TSHZ2: variants seen among roughly 807,000 people sequenced by gnomAD.
The protein encoded by TSHZ2 is teashirt homolog 2.
A neutral mutation model predicts 74.4 loss-of-function variants in TSHZ2; 21 were observed. The ratio of observed to expected loss-of-function variants is 0.28; its 90% CI spans 0.20 to 0.41. The LOEUF is 0.41. TSHZ2 is among the 10% of genes least tolerant of loss of function. TSHZ2 has a pLI of 1.00. For missense variants in TSHZ2, 1,244 were observed against 1,293.5 expected, an observed-to-expected ratio of 0.96 and a Z score of 0.59; for synonymous variants, 540 against 515.3, an observed-to-expected ratio of 1.05 and a Z score of -0.65.
intron 1 of TSHZ2, among the ~76,000 whole-genome samples, chr20:53,023,928 A>G (rs1263586269): frequency 6.6e-6 from 1 of 152,062 alleles, no homozygotes; most frequent in African/African-American, 2.4e-5. Context: ...TGTTTGCACC[A>G]TTAGTGTTAA....
intron 1 of TSHZ2, among the ~76,000 whole-genome samples, chr20:53,032,714 AT>A (rs778273926): frequency 1.3e-5 from 2 of 151,316 alleles, no homozygotes; most frequent in African/African-American, 2.4e-5. Context: ...AGGCGTAAAG[AT>A]TTCCTGAGTT....
At chr20:53,089,568 T>A (rs1600684406) in intron 1 of TSHZ2, among the ~76,000 whole-genome samples, 1 of 152,138 alleles carries the variant, frequency 6.6e-6, no homozygotes, top group East Asian at 1.9e-4. Flanking sequence ...AGATTTGCCC[T>A]TGAGAAAAAT....
rs147016688 is a variant in TSHZ2, at chr20:53,255,288, G to A, written c.1830G>A (p.Ala610=). 78 of 1,614,062 alleles carry A rather than the reference G, an allele frequency of 4.8e-5. 2 individuals are homozygous for A. The highest frequency in any genetic ancestry group is 2.4e-4 in the South Asian group (22 of 91,086). ...AAGAGTCAGAAGACAAAGATGAAGC[G>A]GTGAAGGAGTGTGGGAAAGAAAGTC... The part of the protein sequence containing the change: ...VKKESEDKDE[A]VKECGKESPH... The change falls in exon 2 of 3, where the codon GCG becomes GCA. Residue 610 remains alanine, a synonymous_variant. Coordinates refer to ENST00000371497, the MANE Select transcript of TSHZ2 (RefSeq NM_173485.6). This position sits in a 1 kb window ranked among gnomAD's most constrained non-coding sequence, Gnocchi z 4.1.
At chr20:53,185,638 A>C (rs1324866734) in intron 1 of TSHZ2, 1 of 1,536,036 alleles carries the variant, frequency 6.5e-7, no homozygotes, top group East Asian at 2.4e-5. Context: ...AAAAAAAAGA[A>C]AGAAAAGATG....
In TSHZ2 at chr20:53,255,318, C is replaced by A. The variant is rs143642849; in HGVS notation, c.1860C>A (p.His620Gln). 3.7e-6 allele frequency: 6 copies of A among 1,613,906 alleles called. No individual in the cohort carries two copies. Among genetic ancestry groups the A allele is most frequent in the African/African-American group, 2.7e-5 (2 of 74,892 alleles). ...AGGAGTGTGGGAAAGAAAGTCCCCA[C>A]GAAGAGGCCTCATCTTTCAGCCACA... ...AVKECGKESPHEEASSFSHSE... is the reference protein window; with the variant it reads ...AVKECGKESPQEEASSFSHSE... Residue 620 changes from histidine to glutamine, a missense_variant, in exon 2 of 3, where the codon CAC becomes CAA. Around this residue, in one of 6 missense-constraint regions of TSHZ2, gnomAD observed 562 missense variants for 544.0 expected, o/e 1.03. Coordinates refer to ENST00000371497, the MANE Select transcript of TSHZ2 (RefSeq NM_173485.6). This position sits in a 1 kb window ranked among gnomAD's most constrained non-coding sequence, Gnocchi z 4.1.
At position 53,317,006 on chromosome 20, in the gene TSHZ2, T is replaced by C. The variant is rs555180432; in HGVS notation, c.*8+60435T>C. On this transcript the variant is annotated intron_variant, in intron 2 of 2. Transcript: ENST00000371497. ...GCTTAATGCTGGCTTCAAGTAGTTC[T>C]TTTCAAGAAGCAAATACCCCTGAGA... Among the ~76,000 whole-genome samples the C allele has an allele frequency of 5.3e-5, 8 of 152,380 alleles. No individual in the cohort carries two copies. In the South Asian group the frequency reaches 1.7e-3, roughly 32 times the overall value.
intron 2 of TSHZ2, among the ~76,000 whole-genome samples, chr20:53,438,783 A>G (rs958459772): frequency 2.0e-5 from 3 of 152,178 alleles, no homozygotes; most frequent in African/African-American, 7.2e-5. Context: ...CAACATGATG[A>G]AACCCCGTCT....
chr20:53,182,792 T>C (rs1040818528), intron 1 of TSHZ2, among the ~76,000 whole-genome samples: 2 of 152,212 alleles, frequency 1.3e-5, no homozygotes, highest in Admixed American at 6.5e-5. Context: ...ATTCTCTCTC[T>C]GTGTGTCTCT....
chr20:53,080,707 C>T (rs1019090203), intron 1 of TSHZ2, among the ~76,000 whole-genome samples: 7 of 152,080 alleles, frequency 4.6e-5, no homozygotes, highest in African/African-American at 1.4e-4. Context: ...TGGTAATGTT[C>T]GCTCGCCCAC....
intron 1 of TSHZ2, among the ~76,000 whole-genome samples, chr20:53,116,831 TAGTC>T (rs1305709116): frequency 6.6e-6 from 1 of 152,156 alleles, no homozygotes; most frequent in East Asian, 1.9e-4. Flanking sequence ...GCTAGTGTCT[TAGTC>T]AGTCTGGGCT....
At chr20:53,226,064 T>C (rs1008628301) in intron 1 of TSHZ2, among the ~76,000 whole-genome samples, 5 of 150,916 alleles carry the variant, frequency 3.3e-5, no homozygotes, top group African/African-American at 1.2e-4. Context: ...ATAGACATTA[T>C]CATGAAAAGG....
intron 2 of TSHZ2, among the ~76,000 whole-genome samples, chr20:53,342,777 A>G (rs1980260534): frequency 6.6e-6 from 1 of 151,914 alleles, no homozygotes; most frequent in African/African-American, 2.4e-5. Flanking sequence ...CTTTCTCCCT[A>G]TTAAAGATTG....
chr20:52,992,648 A>AT (rs971165454), intron 1 of TSHZ2, among the ~76,000 whole-genome samples: 23 of 151,782 alleles, frequency 1.5e-4, no homozygotes, highest in East Asian at 3.9e-4. Context: ...TTCCTCAAAG[A>AT]TTTTTTTTTC....
intron 1 of TSHZ2, among the ~76,000 whole-genome samples, chr20:53,147,588 C>T (rs1490484107): frequency 6.6e-6 from 1 of 152,110 alleles, no homozygotes; most frequent in Non-Finnish European, 1.5e-5. Context: ...TTGTTGGTTG[C>T]CATATCACTG....
intron 1 of TSHZ2, among the ~76,000 whole-genome samples, chr20:53,115,954 C>T (rs557041850): frequency 1.3e-5 from 2 of 152,216 alleles, no homozygotes; most frequent in South Asian, 4.2e-4. Flanking sequence ...GTGATTCAAT[C>T]CAGCAGTGGG....
At chr20:53,356,198 A>ACTATT in intron 2 of TSHZ2, among the ~76,000 whole-genome samples, 1 of 152,242 alleles carries the variant, frequency 6.6e-6, no homozygotes, top group South Asian at 2.1e-4. Context: ...CTGTTGACTT[A>ACTATT]CTATTCTATG....
chr20:53,159,067 G>A (rs767882485), intron 1 of TSHZ2, among the ~76,000 whole-genome samples: 6 of 152,322 alleles, frequency 3.9e-5, no homozygotes, highest in Admixed American at 1.3e-4. Flanking sequence ...CAAGGTTGTC[G>A]AATTCCAGCT....
At chr20:53,210,062 T>C (rs1277539629) in intron 1 of TSHZ2, among the ~76,000 whole-genome samples, 2 of 152,022 alleles carry the variant, frequency 1.3e-5, no homozygotes, top group African/African-American at 4.8e-5. Context: ...AACGGGAGAG[T>C]TCCCAGATCC....
intron 2 of TSHZ2, among the ~76,000 whole-genome samples, chr20:53,416,274 G>A (rs569926146): frequency 2.6e-5 from 4 of 152,322 alleles, no homozygotes; most frequent in Admixed American, 1.3e-4. Context: ...GGATGAAGGC[G>A]GTGGGAAGTG....
Sources: gnomAD v4.1 joint callset for allele counts (sites outside exome capture counted in the v4.1 genomes callset) on GRCh38, gnomAD v4.1.1 for gene constraint, gnomAD v4.1.1 regional missense constraint, Gnocchi (gnomAD v3.1) non-coding constraint, MANE v1.5 for transcripts, NCBI Gene and HGNC (gene_info 2026-07-23, HGNC 2026-07-21) for gene names.